Variants in TMEM63C observed in about 807,000 individuals in gnomAD.
TMEM63C encodes transmembrane protein 63C, also known as osmosensitive cation channel TMEM63C.
TMEM63C carries 32 observed loss-of-function variants against 99.2 expected under a neutral mutation model. The observed-to-expected ratio is 0.32, with a 90% confidence interval of 0.24 to 0.43. The LOEUF is 0.43. Ranked by LOEUF, TMEM63C falls within the 20% of genes least tolerant of loss-of-function variation. The probability of loss-of-function intolerance (pLI) is 1.00; values close to 1 mark genes in which losing one functional copy is unlikely to be tolerated. For synonymous variants in TMEM63C, 376 were observed against 397.9 expected, an observed-to-expected ratio of 0.94 and a Z score of 0.66; for missense variants, 826 against 1,053.0, an observed-to-expected ratio of 0.78 and a Z score of 2.98.
At chr14:77,186,892 A>G (rs908109719) in intron 1 of TMEM63C, among the ~76,000 whole-genome samples, 4 of 151,334 alleles carry the variant, frequency 2.6e-5, no homozygotes, top group African/African-American at 9.7e-5. Flanking sequence ...TGGACCAGGG[A>G]TCCTTCCTTG....
intron 5 of TMEM63C, among the ~76,000 whole-genome samples, chr14:77,222,068 T>C (rs1484809938): frequency 3.9e-5 from 6 of 152,138 alleles, no homozygotes; most frequent in African/African-American, 1.4e-4. Flanking sequence ...TCTCTACACA[T>C]AAACTTTTAA....
intron 1 of TMEM63C, among the ~76,000 whole-genome samples, chr14:77,186,322 T>G (rs115534582): frequency 6.6e-6 from 1 of 152,132 alleles, no homozygotes; most frequent in African/African-American, 2.4e-5. Context: ...CAGACCATGC[T>G]TTTTTGATGA....
chr14:77,191,259 C>T lies in TMEM63C; in HGVS notation c.-77+9365C>T, dbSNP rs111832010. Among the ~76,000 whole-genome samples, 561 of 152,212 alleles carry T rather than the reference C, an allele frequency of 3.7e-3. 2 individuals are homozygous for T. Among genetic ancestry groups the T allele is most frequent in the Non-Finnish European group, 5.7e-3 (385 of 68,014 alleles). Reference sequence around the variant, plus strand: ...AGTAGATATTTGTCAAATGATGGAACGGCTTCACAGACTGATAAACAAAGC... The same window carrying T: ...AGTAGATATTTGTCAAATGATGGAATGGCTTCACAGACTGATAAACAAAGC... On this transcript the variant is annotated intron_variant, in intron 1 of 23. Transcript: ENST00000298351.
rs539367509 is a variant in TMEM63C at position 77,212,270 on chromosome 14, T to C, written c.-76-1176T>C. The C allele has an allele frequency of 3.3e-5, 5 of 152,350 alleles. No homozygotes were observed. In the South Asian group the frequency reaches 8.3e-4, roughly 25 times the overall value. 9.4% of individuals were successfully genotyped at this position (152,350 alleles called of 1,614,324 possible). On this transcript the variant is annotated intron_variant, in intron 1 of 23. Coordinates refer to ENST00000298351, the MANE Select transcript of TMEM63C (RefSeq NM_020431.4). ...ATTTTCCAGATATGGGAACTGAGGC[T>C]GAGACAGATGAAGTCACTGCCCCTG...
At position 77,231,599 on chromosome 14, in the gene TMEM63C, T is replaced by C; in HGVS notation, c.362T>C (p.Leu121Pro). 6.4e-7 allele frequency: 1 copy of C among 1,551,666 alleles called. No homozygotes were observed. Among genetic ancestry groups the C allele is most frequent in the Non-Finnish European group, 8.7e-7 (1 of 1,146,992 alleles). The change falls in exon 7 of 24, where the codon CTG becomes CCG. Residue 121 changes from leucine (L) to proline (P), a missense_variant. Physicochemically the swap from Leu to Pro is moderately conservative, Grantham distance 98. Transcript: ENST00000298351. ...TGTGTCTCTTCCAGGGACGAGGATC[T>C]GATTAACAAGTGTGGGGACGACGCG... ...FNSITMKDED[L>P]INKCGDDARI...
intron 7 of TMEM63C, 143 bp downstream of exon 7, chr14:77,231,873 C>T: frequency 2.1e-6 from 2 of 954,622 alleles, no homozygotes; most frequent in Non-Finnish European, 3.1e-6. Flanking sequence ...TTGAACAAAC[C>T]ATGCTTCGCT....
chr14:77,251,639 G>A, intron 21 of TMEM63C, 150 bp from the exon 22 acceptor site: 2 of 634,784 alleles, frequency 3.2e-6, no homozygotes, highest in South Asian at 1.9e-5. Context: ...ATGTTATTTT[G>A]TCAGACTCCT....
Position 77,256,697 on chromosome 14 carries a change from G to A in TMEM63C, c.2392G>A (p.Glu798Lys). 9.9e-6 allele frequency: 16 copies of A among 1,613,952 alleles called. No individual in the cohort carries two copies. The highest frequency in any genetic ancestry group is 1.4e-5 in the Non-Finnish European group (16 of 1,179,866). The change falls in exon 24 of 24, where the codon GAA (glutamate) becomes AAA (lysine). Residue 798 changes from glutamate to lysine, a missense_variant. Physicochemically the swap from Glu to Lys is moderately conservative, Grantham distance 56. Coordinates refer to ENST00000298351, the MANE Select transcript of TMEM63C (RefSeq NM_020431.4). ...CTCGGCCCAGTTCCAGGAAGGGCTGGAACTGGAGGGCCAGAACCAGTACCA... is the reference window on the plus strand; with the variant it reads ...CTCGGCCCAGTTCCAGGAAGGGCTGAAACTGGAGGGCCAGAACCAGTACCA... ...LDSAQFQEGL[E>K]LEGQNQYH
intron 7 of TMEM63C, among the ~76,000 whole-genome samples, chr14:77,232,658 G>A (rs1484842094): frequency 1.3e-5 from 2 of 152,150 alleles, no homozygotes; most frequent in Non-Finnish European, 2.9e-5. Flanking sequence ...ACTGTCTTAG[G>A]GATTGGGAGA....
chr14:77,226,598 G>T (rs1340557975), intron 6 of TMEM63C, among the ~76,000 whole-genome samples: 1 of 152,222 alleles, frequency 6.6e-6, no homozygotes, highest in East Asian at 1.9e-4. Context: ...CGACAGGCGC[G>T]ATGTGGGATG....
intron 7 of TMEM63C, 110 bp downstream of exon 7, chr14:77,231,840 T>C: frequency 7.9e-7 from 1 of 1,261,864 alleles, no homozygotes; most frequent in South Asian, 1.4e-5. Context: ...ATCCTGCCTC[T>C]GGGAGTTTGT....
In TMEM63C at chr14:77,232,261, G is replaced by A. The variant is rs186329567; in HGVS notation, c.493+531G>A. On this transcript the variant is annotated intron_variant, in intron 7 of 23. Coordinates refer to ENST00000298351, the MANE Select transcript of TMEM63C (RefSeq NM_020431.4). ...GAAAATACCTTTGCCTAGCTAATATGTTATTTTATTTTATATTTTATTTAT... is the reference window on the plus strand; with the variant it reads ...GAAAATACCTTTGCCTAGCTAATATATTATTTTATTTTATATTTTATTTAT... Among the ~76,000 whole-genome samples, 1,446 of 152,068 alleles carry A rather than the reference G, an allele frequency of 9.5e-3. 8 individuals are homozygous for A. The highest frequency in any genetic ancestry group is 0.016 in the Non-Finnish European group (1,067 of 67,974).
intron 6 of TMEM63C, among the ~76,000 whole-genome samples, chr14:77,228,308 C>T (rs529417243): frequency 6.6e-6 from 1 of 152,122 alleles, no homozygotes. Context: ...TCTGCTCTCT[C>T]CACCTGATTG....
intron 1 of TMEM63C, among the ~76,000 whole-genome samples, chr14:77,205,759 C>T (rs1016593689): frequency 6.6e-6 from 1 of 152,132 alleles, no homozygotes; most frequent in African/African-American, 2.4e-5. Context: ...GCCAAGAGGG[C>T]CTCCCCTGGT....
chr14:77,235,013 C>A (rs552039667), intron 8 of TMEM63C, among the ~76,000 whole-genome samples: 2 of 152,296 alleles, frequency 1.3e-5, no homozygotes, highest in Non-Finnish European at 2.9e-5. Context: ...GGGGCACCGA[C>A]CCTCTCTCAC....
chr14:77,239,802 G>A (rs999866184), intron 12 of TMEM63C, 76 bp downstream of exon 12: 49 of 1,544,808 alleles, frequency 3.2e-5, no homozygotes, highest in Non-Finnish European at 4.0e-5. Flanking sequence ...GCCTTTGCCC[G>A]CACTGTTGGG....
intron 1 of TMEM63C, among the ~76,000 whole-genome samples, chr14:77,194,557 T>TTTTTCTTTCTG (rs1555346144): frequency 8.4e-6 from 1 of 118,568 alleles, no homozygotes; most frequent in African/African-American, 3.4e-5. Context: ...TTCTTTCTCT[T>TTTTTCTTTCTG]TCTTTCTTTC....
chr14:77,197,664 A>G (rs1888234703), intron 1 of TMEM63C, among the ~76,000 whole-genome samples: 1 of 152,230 alleles, frequency 6.6e-6, no homozygotes, highest in African/African-American at 2.4e-5. Flanking sequence ...CTGCTGCCTG[A>G]TCAACCTCCC....
chr14:77,240,947 C>G (rs12896846), intron 13 of TMEM63C, among the ~76,000 whole-genome samples: 1 of 67,096 alleles, frequency 1.5e-5, no homozygotes, highest in Non-Finnish European at 3.8e-5. Context: ...TTTTTTTTTT[C>G]TTTTTTTTTT....
Sources: gnomAD v4.1 joint callset for allele counts (sites outside exome capture counted in the v4.1 genomes callset) on GRCh38, gnomAD v4.1.1 for gene constraint, MANE v1.5 for transcripts, NCBI Gene and HGNC (gene_info 2026-07-23, HGNC 2026-07-21) for gene names.